EXOC4: variants seen among roughly 807,000 people sequenced by gnomAD.
EXOC4 encodes SEC8-like 1.
In EXOC4, 71 loss-of-function variants were observed where a neutral mutation model predicts 107.2. The observed-to-expected ratio is 0.66, with a 90% CI of 0.55 to 0.81. The LOEUF is 0.81. Ranked by LOEUF, EXOC4 falls within the 30% of genes least tolerant of loss-of-function variation. EXOC4 has a pLI of 0.00. For missense variants in EXOC4, 1,108 were observed against 1,189.6 expected (o/e 0.93, Z 1.01); for synonymous variants, 456 against 441.2 (o/e 1.03, Z -0.42).
At chr7:133,777,286 AGAGAGAGAGAGAGAGAGAGAG>A (rs1796366098) in intron 10 of EXOC4, among the ~76,000 whole-genome samples, 6 of 149,588 alleles carry the variant, frequency 4.0e-5, no homozygotes, top group Non-Finnish European at 7.4e-5. Context: ...AGAAAGAGAG[AGAGAGAGAGAGAGAGAGAGAG>A]AGAGAGAGAG....
At chr7:133,823,845 ATATAT>A (rs1797591882) in intron 11 of EXOC4, among the ~76,000 whole-genome samples, 3 of 1,580 alleles carry the variant, frequency 1.9e-3, no homozygotes, top group East Asian at 0.031. Flanking sequence ...TATATATATT[ATATAT>A]ATATATATAT....
At chr7:133,997,778 G>C in intron 15 of EXOC4, 145 bp downstream of exon 15, 1 of 967,982 alleles carries the variant, frequency 1.0e-6, no homozygotes, top group Non-Finnish European at 1.5e-6. Context: ...ATTTTTAGCT[G>C]TATTCAGTGA....
chr7:134,074,693 T>C, the EXOC4 span, among the ~76,000 whole-genome samples: 1 of 152,164 alleles, frequency 6.6e-6, no homozygotes, highest in African/African-American at 2.4e-5. Flanking sequence ...CCCAGGTGAA[T>C]CATGCTGTTA....
At chr7:134,006,315 A>G (rs919590536) in intron 16 of EXOC4, among the ~76,000 whole-genome samples, 4 of 152,142 alleles carry the variant, frequency 2.6e-5, no homozygotes, top group Non-Finnish European at 5.9e-5. Flanking sequence ...AAACAAACAA[A>G]CAAAAACTGT....
At chr7:133,423,454 A>C (rs888535027) in intron 7 of EXOC4, among the ~76,000 whole-genome samples, 5 of 152,162 alleles carry the variant, frequency 3.3e-5, no homozygotes, top group African/African-American at 1.2e-4. Flanking sequence ...ACTTTACATC[A>C]CTTTGCTCAT....
intron 10 of EXOC4, among the ~76,000 whole-genome samples, chr7:133,797,959 AAAAG>A (rs1315838100): frequency 6.6e-6 from 1 of 152,192 alleles, no homozygotes; most frequent in Non-Finnish European, 1.5e-5. Context: ...TGTAAAGAAA[AAAAG>A]AGGCAGTGAA....
In EXOC4 at chr7:133,629,920, C is replaced by T. The variant is rs533932666; in HGVS notation, c.1418-125C>T. The T allele has an allele frequency of 6.0e-4, 386 of 645,536 alleles. 6 individuals are homozygous for T. The South Asian group carries it at 6.9e-3, about 12-fold the overall frequency. 40.0% of individuals were successfully genotyped at this position (645,536 alleles called of 1,614,324 possible). A position where few individuals can be genotyped will look rare whatever the true frequency, so the allele number is the denominator to read the frequency against. On this transcript the variant is annotated intron_variant, in intron 9 of 17. Transcript: ENST00000253861. ...TCATTCAAAATAATTTCGTACATAC[C>T]GAAGGTTACTGTTTGCAAAGATGGT...
At chr7:133,273,155 A>G (rs954183361) in intron 1 of EXOC4, among the ~76,000 whole-genome samples, 1 of 152,208 alleles carries the variant, frequency 6.6e-6, no homozygotes, top group African/African-American at 2.4e-5. Flanking sequence ...CTTTAGATTA[A>G]CAGTCTGGAA....
the EXOC4 span, among the ~76,000 whole-genome samples, chr7:134,081,555 G>A: frequency 1.3e-5 from 2 of 152,058 alleles, no homozygotes; most frequent in Admixed American, 1.3e-4. Context: ...CTGTAGCCCC[G>A]ATACTTAGAA....
intron 13 of EXOC4, among the ~76,000 whole-genome samples, chr7:133,925,452 T>A (rs1800029912): frequency 1.3e-5 from 2 of 152,214 alleles, no homozygotes; most frequent in Non-Finnish European, 2.9e-5. Flanking sequence ...TCAATGATTA[T>A]CTGCTGATAA....
chr7:133,900,617 G>A (rs1799429775), intron 12 of EXOC4, among the ~76,000 whole-genome samples: 1 of 151,912 alleles, frequency 6.6e-6, no homozygotes, highest in South Asian at 2.1e-4. Context: ...TGTGTAAGAT[G>A]GATTTGAAAA....
intron 9 of EXOC4, among the ~76,000 whole-genome samples, chr7:133,545,961 G>A (rs1584989696): frequency 6.6e-6 from 1 of 152,120 alleles, no homozygotes; most frequent in South Asian, 2.1e-4. Flanking sequence ...TGCTGCTTCA[G>A]TTGGTTTAAC....
chr7:133,974,127 A>G (rs932008603), intron 14 of EXOC4, among the ~76,000 whole-genome samples: 1 of 152,170 alleles, frequency 6.6e-6, no homozygotes, highest in Non-Finnish European at 1.5e-5. Context: ...TTTTTGAGGG[A>G]CACGTTTAAA....
intron 10 of EXOC4, among the ~76,000 whole-genome samples, chr7:133,765,288 G>T (rs903030482): frequency 6.6e-6 from 1 of 151,960 alleles, no homozygotes; most frequent in Non-Finnish European, 1.5e-5. Context: ...AGTGATCCCT[G>T]CCTGCCTTTG....
chr7:133,963,443 C>A (rs1800991630), intron 14 of EXOC4, among the ~76,000 whole-genome samples: 1 of 152,210 alleles, frequency 6.6e-6, no homozygotes, highest in African/African-American at 2.4e-5. Flanking sequence ...TCAGGAATTT[C>A]TCTTTAGACC....
chr7:134,067,469 C>G (rs1292580726), downstream of EXOC4, among the ~76,000 whole-genome samples: 1 of 152,080 alleles, frequency 6.6e-6, no homozygotes, highest in Non-Finnish European at 1.5e-5. Flanking sequence ...AGCATGTGTT[C>G]CCATTTAGTC....
intron 11 of EXOC4, among the ~76,000 whole-genome samples, chr7:133,864,835 GAGGGCTGAAACTCC>G (rs1348998714): frequency 6.6e-6 from 1 of 152,210 alleles, no homozygotes; most frequent in Non-Finnish European, 1.5e-5. Flanking sequence ...GCAGGAGTCT[GAGGGCTGAAACTCC>G]AGGCATGGAC....
Position 133,855,094 on chromosome 7 carries a change from T to TATATATAAATATATATATAA in EXOC4, c.1734+37557_1734+37558insAATATATATATAAATATATA, listed in dbSNP as rs1554409758. Among the ~76,000 whole-genome samples the TATATATAAATATATATATAA allele has an allele frequency of 2.8e-4, 24 of 84,424 alleles. 1 individual carries two copies. Among genetic ancestry groups the TATATATAAATATATATATAA allele is most frequent in the African/African-American group, 1.3e-3 (22 of 16,700 alleles). The allele number at this position is 84,424 out of a possible 152,430, so 55.4% of individuals were successfully genotyped here. On this transcript the variant is annotated intron_variant, in intron 11 of 17. Transcript: ENST00000253861. ...CTAAATATATCTAAATATATATAAA[T>TATATATAAATATATATATAA]ATATATATAAATATATATAAATATA...
intron 9 of EXOC4, among the ~76,000 whole-genome samples, chr7:133,496,764 G>A (rs1799485192): frequency 6.6e-6 from 1 of 152,066 alleles, no homozygotes; most frequent in Non-Finnish European, 1.5e-5. Context: ...CCATGCCCAT[G>A]TATTTATAAT....
Sources: allele counts gnomAD v4.1 joint callset (sites outside exome capture counted in the v4.1 genomes callset), GRCh38; gene constraint gnomAD v4.1.1; transcripts MANE v1.5; gene names NCBI Gene and HGNC (gene_info 2026-07-23, HGNC 2026-07-21).